Variants in TASOR2 observed in about 807,000 individuals in gnomAD.
The protein encoded by TASOR2 is transcription activation suppressor family member 2.
TASOR2 carries 84 observed loss-of-function variants against 199.5 expected under a neutral mutation model. The ratio of observed to expected loss-of-function variants is 0.42; its 90% CI spans 0.35 to 0.50. TASOR2 has a LOEUF of 0.50. Ranked by LOEUF, TASOR2 falls within the 20% of genes least tolerant of loss-of-function variation. The probability of loss-of-function intolerance (pLI) is 0.02; values close to 1 mark genes in which losing one functional copy is unlikely to be tolerated. For synonymous variants in TASOR2, 1,103 were observed against 1,046.6 expected, an observed-to-expected ratio of 1.05 and a Z score of -1.04; for missense variants, 2,796 against 2,835.9, an observed-to-expected ratio of 0.99 and a Z score of 0.32.
intron 1 of TASOR2, among the ~76,000 whole-genome samples, chr10:5,694,319 A>G (rs148165892): frequency 1.3e-5 from 2 of 152,336 alleles, no homozygotes; most frequent in Non-Finnish European, 2.9e-5. Flanking sequence ...AGGGGCTTTA[A>G]TTAGAAATAA....
chr10:5,745,413 G>T (rs997604675), intron 14 of TASOR2, among the ~76,000 whole-genome samples: 20 of 152,240 alleles, frequency 1.3e-4, no homozygotes, highest in Admixed American at 9.8e-4. Context: ...TTGCCTCATG[G>T]GAAAGTTTCA....
rs889428304 is a variant in TASOR2 at position 5,701,221 on chromosome 10, C to G, written c.-287-11602C>G. 1.1e-4 allele frequency among the ~76,000 whole-genome samples: 16 copies of G among 152,134 alleles called. No homozygotes were observed. The highest frequency in any genetic ancestry group is 3.6e-4 in the African/African-American group (15 of 41,436). ...ATGTAGTTATCCAGTTTTCCCACCA[C>G]CGTTTATCAAAGAGACTGTCCTTTT... is the stretch of plus-strand genomic sequence containing the variant. On this transcript the variant is annotated intron_variant, in intron 1 of 20. Transcript: ENST00000328090. The surrounding 1 kb of genome is among the most constrained non-coding windows in gnomAD (Gnocchi z 4.9).
intron 1 of TASOR2, among the ~76,000 whole-genome samples, chr10:5,691,297 T>C (rs1240633395): frequency 2.0e-5 from 3 of 152,294 alleles, no homozygotes; most frequent in Non-Finnish European, 4.4e-5. Flanking sequence ...TTGTGGTGTT[T>C]ATAAGCATCA....
chr10:5,757,602 C>T (rs749015386), exon 17 of TASOR2: 18 of 1,613,610 alleles, frequency 1.1e-5, no homozygotes, highest in Non-Finnish European at 1.4e-5. Flanking sequence ...CTTGATCACA[C>T]CTACCAAGAA....
In TASOR2 at chr10:5,740,347, G is replaced by T. The variant is rs61731328; in HGVS notation, c.2177G>T (p.Arg726Leu). The T allele has an allele frequency of 1.2e-6, 2 of 1,614,054 alleles. No individual in the cohort carries two copies. Residue 726 changes from arginine to leucine, a missense_variant, in exon 13 of 21, where the codon CGT becomes CTT. Physicochemically the swap from Arg to Leu is moderately radical, Grantham distance 102. Transcript: ENST00000328090. The surrounding 1 kb of genome is among the most constrained non-coding windows in gnomAD (Gnocchi z 5.3). ...CCCAAGGATCGACCACCGTCTGCCC[G>T]TGTGAAAAAATCTTCTTGCTCTCGT...
chr10:5,744,652 T>TCAAA (rs1836918404), intron 14 of TASOR2, among the ~76,000 whole-genome samples: 2 of 152,084 alleles, frequency 1.3e-5, no homozygotes, highest in African/African-American at 4.8e-5. Flanking sequence ...AGACAGAGTC[T>TCAAA]CGTGAGCCAC....
intron 12 of TASOR2, 120 bp downstream of exon 13, chr10:5,735,666 T>C: frequency 4.6e-6 from 6 of 1,303,068 alleles, no homozygotes; most frequent in Non-Finnish European, 5.2e-6. Flanking sequence ...TTTCTGTGTT[T>C]TTCAGTTCAG....
At chr10:5,723,684 G>A (rs767390308) in exon 7 of TASOR2, 1 of 1,577,092 alleles carries the variant, frequency 6.3e-7, no homozygotes. Flanking sequence ...CAGACCGCAG[G>A]AACTAGATTT....
intron 1 of TASOR2, among the ~76,000 whole-genome samples, chr10:5,708,626 CCCTTCCTCCCTTCCTT>C (rs770468229): frequency 0.053 from 1,062 of 19,936 alleles, 62 homozygotes; most frequent in African/African-American, 0.12. Context: ...CTCCCTCCCT[CCCTTCCTCCCTTCCTT>C]CCTTCCTTCC....
chr10:5,762,519 T>A lies in TASOR2; in HGVS notation c.7175-13T>A, dbSNP rs1564380365. The stretch of plus-strand genomic sequence containing the variant: ...TATATTAACCAAAAGTTGTTTTTTT[T>A]TTTTTTTAACAGACAAGCCTACTAT... On this transcript the variant is annotated splice_polypyrimidine_tract_variant and intron_variant, in intron 19 of 20. Transcript: ENST00000328090. The A allele has an allele frequency of 1.7e-6, 1 of 601,416 alleles. No homozygotes were observed. 37.3% of individuals were successfully genotyped at this position (601,416 alleles called of 1,614,324 possible).
At chr10:5,755,181 G>A in intron 15 of TASOR2, among the ~76,000 whole-genome samples, 1 of 151,924 alleles carries the variant, frequency 6.6e-6, no homozygotes, top group South Asian at 2.1e-4. Context: ...TTTATGCCTA[G>A]ATATTTCAGT....
At chr10:5,714,234 TA>T (rs1036031387) in intron 2 of TASOR2, 27 bp downstream of exon 3, 68 of 1,213,816 alleles carry the variant, frequency 5.6e-5, no homozygotes, top group African/African-American at 7.8e-5. Flanking sequence ...AAAAGAATCT[TA>T]AAAAAAAATC....
chr10:5,689,109 AT>A lies in TASOR2; in HGVS notation c.-288+3935del, dbSNP rs1255232640. On this transcript the variant is annotated intron_variant, in intron 1 of 20. Coordinates refer to ENST00000328090, the Ensembl canonical transcript of TASOR2. The surrounding 1 kb of genome is among the most constrained non-coding windows in gnomAD (Gnocchi z 4.1). ...GTCTTTATTTTGCAGCCATTCTTGA[AT>A]GATGTTTTTGCTGAATACAAAAGTT... Among the ~76,000 whole-genome samples, 1 of 152,186 alleles carries A rather than the reference AT, an allele frequency of 6.6e-6. No individual in the cohort carries two copies. Among genetic ancestry groups the A allele is most frequent in the Non-Finnish European group, 1.5e-5 (1 of 68,028 alleles).
At chr10:5,714,762 A>T (rs1010404741) in intron 2 of TASOR2, among the ~76,000 whole-genome samples, 35 of 152,378 alleles carry the variant, frequency 2.3e-4, no homozygotes, top group African/African-American at 7.9e-4. Flanking sequence ...TGTTTAGCCC[A>T]GGAGTTTGCA....
chr10:5,742,437 G>A lies in TASOR2; in HGVS notation c.2668G>A (p.Val890Ile), dbSNP rs759402783. 11 of 1,614,038 alleles carry A rather than the reference G, an allele frequency of 6.8e-6. No individual in the cohort carries two copies. The South Asian group carries it at 1.1e-4, about 16-fold the overall frequency. The change falls in exon 14 of 21, where the codon GTA becomes ATA. Residue 890 changes from valine (V) to isoleucine (I), a missense_variant. Physicochemically the swap from Val to Ile is conservative, Grantham distance 29. Transcript: ENST00000328090. The surrounding 1 kb of genome is among the most constrained non-coding windows in gnomAD (Gnocchi z 4.2). ...ACTTACCCAAGGCTTGGAACTCTGT[G>A]TACAAAATGAACAGAAAAAAACTTT...
At chr10:5,762,300 A>G (rs555481327) in intron 19 of TASOR2, among the ~76,000 whole-genome samples, 1 of 151,726 alleles carries the variant, frequency 6.6e-6, no homozygotes, top group Non-Finnish European at 1.5e-5. Context: ...GTAAAGAACC[A>G]TAGTTATCAT....
exon 15 of TASOR2, chr10:5,746,294 A>G: frequency 6.2e-7 from 1 of 1,614,180 alleles, no homozygotes; most frequent in Non-Finnish European, 8.5e-7. Context: ...GAAATTGTTC[A>G]GCCACTGGAT....
chr10:5,725,088 A>G (rs1833877113), intron 8 of TASOR2, among the ~76,000 whole-genome samples: 1 of 152,180 alleles, frequency 6.6e-6, no homozygotes, highest in Non-Finnish European at 1.5e-5. Context: ...CATCTACAGC[A>G]TAGATACACT....
chr10:5,745,061 A>G (rs1836988803), intron 14 of TASOR2, among the ~76,000 whole-genome samples: 1 of 152,166 alleles, frequency 6.6e-6, no homozygotes, highest in Admixed American at 6.5e-5. Flanking sequence ...CAGTTGTATA[A>G]TCAGTTCATT....
Sources: allele counts gnomAD v4.1 joint callset (sites outside exome capture counted in the v4.1 genomes callset), GRCh38; gene constraint gnomAD v4.1.1; non-coding constraint Gnocchi (gnomAD v3.1); transcripts MANE v1.5; gene names NCBI Gene and HGNC (gene_info 2026-07-23, HGNC 2026-07-21).